C6orf89: variants seen among roughly 807,000 people sequenced by gnomAD.
The protein encoded by C6orf89 is bombesin receptor-activated protein C6orf89.
C6orf89 carries 29 observed loss-of-function variants against 40.7 expected under a neutral mutation model. The observed-to-expected ratio is 0.71, with a 90% CI of 0.53 to 0.97. C6orf89 has a LOEUF of 0.97. Among genes scored for constraint, C6orf89 ranks in the 50% least tolerant of loss-of-function variants. C6orf89 has a pLI of 0.00. For missense variants in C6orf89, 392 were observed against 429.1 expected, an observed-to-expected ratio of 0.91 and a Z score of 0.76; for synonymous variants, 165 against 152.2, an observed-to-expected ratio of 1.08 and a Z score of -0.62.
intron 1 of C6orf89, among the ~76,000 whole-genome samples, chr6:36,875,297 T>G (rs1180855118): frequency 1.3e-5 from 2 of 152,226 alleles, no homozygotes; most frequent in Non-Finnish European, 2.9e-5. Context: ...GTAGATAGTA[T>G]TATTACCATT....
At position 36,925,587 on chromosome 6, in the gene C6orf89, T is replaced by C. The variant is rs1215744036; in HGVS notation, c.*2146T>C. 1 of 152,198 alleles carries C rather than the reference T, an allele frequency of 6.6e-6. No homozygotes were observed. The highest frequency in any genetic ancestry group is 2.4e-5 in the African/African-American group (1 of 41,456). 9.4% of individuals were successfully genotyped at this position (152,198 alleles called of 1,614,324 possible). A position where few individuals can be genotyped will look rare whatever the true frequency, so the allele number is the denominator to read the frequency against. ...CTCATTTTACTTAAAATCTACCCAG[T>C]TCAGACTTGAATGTAAACTTGTATT... On this transcript the variant is annotated 3_prime_UTR_variant, in exon 9 of 9. Coordinates refer to ENST00000480824, the MANE Select transcript of C6orf89 (RefSeq NM_001286635.2).
Position 36,923,989 on chromosome 6 carries a change from G to T in C6orf89, c.*548G>T, listed in dbSNP as rs191533848. ...AAAAAAGTTCAGATAACTTTGAATT[G>T]CATTCAAGAAGTACACTTCTTTCCC... On this transcript the variant is annotated 3_prime_UTR_variant, in exon 9 of 9. Coordinates refer to ENST00000480824, the MANE Select transcript of C6orf89 (RefSeq NM_001286635.2). 2.1e-4 allele frequency: 40 copies of T among 188,772 alleles called. No individual in the cohort carries two copies. The Middle Eastern group carries it at 9.9e-3, about 47-fold the overall frequency. The allele number at this position is 188,772 out of a possible 1,614,324, so 11.7% of individuals were successfully genotyped here. A position where few individuals can be genotyped will look rare whatever the true frequency, so the allele number is the denominator to read the frequency against.
chr6:36,910,817 C>T (rs2150705559), intron 4 of C6orf89, among the ~76,000 whole-genome samples: 1 of 152,022 alleles, frequency 6.6e-6, no homozygotes, highest in Admixed American at 6.5e-5. Context: ...GCATCAGCCA[C>T]CACCCATAAA....
chr6:36,902,130 T>C (rs1237016734), intron 3 of C6orf89, 91 bp from the exon 4 acceptor site: 2 of 1,042,844 alleles, frequency 1.9e-6, no homozygotes, highest in South Asian at 2.8e-5. Flanking sequence ...ACATTGGAAG[T>C]AGCAGAAGAA....
intron 1 of C6orf89, among the ~76,000 whole-genome samples, chr6:36,873,331 T>C (rs1774558142): frequency 6.6e-6 from 1 of 152,218 alleles, no homozygotes; most frequent in Non-Finnish European, 1.5e-5. Context: ...TTAAATGTCC[T>C]TGAAATAGGA....
At chr6:36,873,013 G>T (rs894038568) in intron 1 of C6orf89, among the ~76,000 whole-genome samples, 3 of 152,200 alleles carry the variant, frequency 2.0e-5, no homozygotes, top group African/African-American at 7.2e-5. Context: ...ATAGCTAACA[G>T]CCTTTCTGCC....
upstream of C6orf89, among the ~76,000 whole-genome samples, chr6:36,882,022 G>A (rs1244280146): frequency 6.6e-6 from 1 of 151,952 alleles, no homozygotes; most frequent in African/African-American, 2.4e-5. Context: ...AAAAGATAAT[G>A]AAAGGTTTTT....
chr6:36,916,600 T>G (rs1254982065), intron 7 of C6orf89, 26 bp downstream of exon 7: 1 of 1,587,136 alleles, frequency 6.3e-7, no homozygotes, highest in African/African-American at 1.4e-5. Context: ...AGGACTTGGA[T>G]CTAGAATTTT....
intron 6 of C6orf89, among the ~76,000 whole-genome samples, chr6:36,915,780 A>G (rs547699262): frequency 6.6e-6 from 1 of 152,086 alleles, no homozygotes; most frequent in South Asian, 2.1e-4. Context: ...TAACTTGCCT[A>G]AGGTTACCCA....
At chr6:36,886,312 A>C (rs1774986107) in intron 1 of C6orf89, among the ~76,000 whole-genome samples, 1 of 152,224 alleles carries the variant, frequency 6.6e-6, no homozygotes, top group African/African-American at 2.4e-5. Context: ...GCATCACAGC[A>C]GTGTCCATAA....
At position 36,918,776 on chromosome 6, in the gene C6orf89, C is replaced by T. The variant is rs6910317; in HGVS notation, c.826-802C>T. Among the ~76,000 whole-genome samples the T allele has an allele frequency of 4.0e-3, 604 of 152,312 alleles. 3 individuals carry two copies. Among genetic ancestry groups the T allele is most frequent in the African/African-American group, 0.012 (481 of 41,550 alleles). ...ACCCATCTCTCTCTTTATCCCTATT[C>T]CTTGCCCTGGTCCCAGCCCCACCCC... On this transcript the variant is annotated intron_variant, in intron 7 of 8. Coordinates refer to ENST00000480824, the MANE Select transcript of C6orf89 (RefSeq NM_001286635.2).
intron 1 of C6orf89, among the ~76,000 whole-genome samples, chr6:36,877,491 C>T (rs1774690958): frequency 6.6e-6 from 1 of 152,164 alleles, no homozygotes; most frequent in Admixed American, 6.5e-5. Flanking sequence ...CCACCACACC[C>T]AGCTAATTTT....
intron 3 of C6orf89, among the ~76,000 whole-genome samples, chr6:36,901,802 C>T (rs1400548258): frequency 6.6e-5 from 10 of 152,058 alleles, no homozygotes; most frequent in African/African-American, 2.4e-4. Flanking sequence ...TCCCAAGTAG[C>T]TGGGACTACA....
intron 1 of C6orf89, among the ~76,000 whole-genome samples, chr6:36,873,522 C>T (rs1774564592): frequency 6.6e-6 from 1 of 152,194 alleles, no homozygotes; most frequent in Non-Finnish European, 1.5e-5. Context: ...ATCCAACAAA[C>T]TGTTGATGGT....
chr6:36,917,441 C>T (rs924702155), intron 7 of C6orf89, among the ~76,000 whole-genome samples: 1 of 152,114 alleles, frequency 6.6e-6, no homozygotes, highest in East Asian at 1.9e-4. Flanking sequence ...CTGAATTGCT[C>T]CTTTTGTTGA....
chr6:36,922,983 A>T (rs1762562251), intron 8 of C6orf89, among the ~76,000 whole-genome samples: 1 of 152,072 alleles, frequency 6.6e-6, no homozygotes, highest in South Asian at 2.1e-4. Flanking sequence ...TTTAAAGAGG[A>T]CTGATAATAA....
At chr6:36,906,835 A>G (rs989588376) in intron 4 of C6orf89, among the ~76,000 whole-genome samples, 5 of 152,344 alleles carry the variant, frequency 3.3e-5, no homozygotes, top group East Asian at 3.9e-4. Flanking sequence ...TTGAGCACAC[A>G]CTAGTGAAAG....
At position 36,923,707 on chromosome 6, in the gene C6orf89, G is replaced by A. The variant is rs530391695; in HGVS notation, c.*266G>A. 8.1e-5 allele frequency: 36 copies of A among 447,082 alleles called. No individual in the cohort carries two copies. The highest frequency in any genetic ancestry group is 8.0e-5 in the African/African-American group (4 of 49,928). 27.7% of individuals were successfully genotyped at this position (447,082 alleles called of 1,614,324 possible). A position where few individuals can be genotyped will look rare whatever the true frequency, so the allele number is the denominator to read the frequency against. On this transcript the variant is annotated 3_prime_UTR_variant, in exon 9 of 9. Coordinates refer to ENST00000480824, the MANE Select transcript of C6orf89 (RefSeq NM_001286635.2). The stretch of plus-strand genomic sequence containing the variant: ...CACCCATCTGAGACTGACCTCTTCC[G>A]GGCCTTTGGACACTATGACCTTGAT...
chr6:36,903,851 G>GT (rs201474524), intron 4 of C6orf89, among the ~76,000 whole-genome samples: 24 of 149,960 alleles, frequency 1.6e-4, no homozygotes, highest in East Asian at 5.8e-4. Flanking sequence ...AGGAGTTTTT[G>GT]TTTTTTTTTA....
Sources: gnomAD v4.1 joint callset for allele counts (sites outside exome capture counted in the v4.1 genomes callset) on GRCh38, gnomAD v4.1.1 for gene constraint, MANE v1.5 for transcripts, NCBI Gene and HGNC (gene_info 2026-07-23, HGNC 2026-07-21) for gene names.